The following NPL variants were observed in gnomAD, a reference collection of about 807,000 sequenced individuals.
NPL encodes the protein N-acetylneuraminate lyase.
In NPL, 32 loss-of-function variants were observed where a neutral mutation model predicts 41.1. The ratio of observed to expected loss-of-function variants is 0.78; its 90% CI spans 0.59 to 1.05. The LOEUF is 1.05. Among genes scored for constraint, NPL ranks in the 50% least tolerant of loss-of-function variants. The pLI, the probability that NPL is intolerant of heterozygous loss-of-function variation, is 0.00. For synonymous variants in NPL, 128 were observed against 134.9 expected, an observed-to-expected ratio of 0.95 and a Z score of 0.35; for missense variants, 321 against 378.4, an observed-to-expected ratio of 0.85 and a Z score of 1.26.
Position 182,828,839 on chromosome 1 carries a change from T to C in NPL, c.894T>C (p.Ala298=). The change falls in exon 13 of 13, where the codon GCT becomes GCC. Residue 298 remains alanine, a synonymous_variant. Coordinates refer to ENST00000367553, the MANE Select transcript of NPL (RefSeq NM_030769.3). The surrounding 1 kb of genome is among the most constrained non-coding windows in gnomAD (Gnocchi z 4.0). Reference sequence around the variant, plus strand: ...GGGAGTTTACTGATAGTGCTGAAGCTAAACTGAAGAGCCTGGATTTCCTTT... The same window carrying C: ...GGGAGTTTACTGATAGTGCTGAAGCCAAACTGAAGAGCCTGGATTTCCTTT... ...ASREFTDSAE[A]KLKSLDFLSF... is the part of the protein sequence containing the mutation. 6.2e-7 allele frequency: 1 copy of C among 1,614,228 alleles called. No homozygotes were observed. The highest frequency in any genetic ancestry group is 8.5e-7 in the Non-Finnish European group (1 of 1,180,038).
At position 182,796,186 on chromosome 1, in the gene NPL, AG is replaced by A. The variant is rs1288348872; in HGVS notation, c.68+1748del. The stretch of plus-strand genomic sequence containing the variant: ...GAAATCAAAAAAAAAAAAAAAAAAA[AG>A]AATGCATTATGTGTAGGCTCTTTAA... On this transcript the variant is annotated intron_variant, in intron 3 of 12. Coordinates refer to ENST00000367553, the MANE Select transcript of NPL (RefSeq NM_030769.3). 7.9e-3 allele frequency among the ~76,000 whole-genome samples: 1,184 copies of A among 150,020 alleles called. 6 individuals carry two copies. Among genetic ancestry groups the A allele is most frequent in the South Asian group, 0.023 (107 of 4,712 alleles).
chr1:182,803,931 A>G (rs376734410), intron 4 of NPL, among the ~76,000 whole-genome samples, 160 bp downstream of exon 4: 14 of 152,294 alleles, frequency 9.2e-5, no homozygotes, highest in Admixed American at 5.2e-4. Flanking sequence ...AGGCCCACCA[A>G]TCTTAGACCT....
chr1:182,802,458 T>C (rs1666875926), intron 3 of NPL, among the ~76,000 whole-genome samples: 1 of 152,006 alleles, frequency 6.6e-6, no homozygotes, highest in Non-Finnish European at 1.5e-5. Context: ...GTTTCCTAGA[T>C]GCATCAGATT....
intron 10 of NPL, 27 bp downstream of exon 10, chr1:182,818,886 G>A: frequency 6.2e-7 from 1 of 1,606,804 alleles, no homozygotes; most frequent in Non-Finnish European, 8.5e-7. Context: ...TTTCCCAGTG[G>A]TTATAAAGTC....
At chr1:182,811,093 T>C (rs959563033) in intron 5 of NPL, among the ~76,000 whole-genome samples, 2 of 152,178 alleles carry the variant, frequency 1.3e-5, no homozygotes, top group Admixed American at 6.6e-5. Flanking sequence ...GTGCCAGATA[T>C]ATGCAAAGCA....
chr1:182,800,078 C>A (rs920968559), intron 3 of NPL, among the ~76,000 whole-genome samples: 1 of 152,080 alleles, frequency 6.6e-6, no homozygotes, highest in Non-Finnish European at 1.5e-5. Context: ...GGTAACCGAT[C>A]ATGGTTAATG....
At chr1:182,816,834 T>G in intron 8 of NPL, 28 bp downstream of exon 8, 1 of 1,537,790 alleles carries the variant, frequency 6.5e-7, no homozygotes, top group Non-Finnish European at 9.0e-7. Flanking sequence ...TGATCTTTCT[T>G]TCCTTCCAAC....
intron 3 of NPL, among the ~76,000 whole-genome samples, chr1:182,801,952 T>G (rs536133292): frequency 1.3e-5 from 2 of 152,352 alleles, no homozygotes; most frequent in East Asian, 3.9e-4. Flanking sequence ...TGAGCCCCCA[T>G]ACAATTACTT....
Position 182,822,192 on chromosome 1 carries a change from A to G in NPL, c.731A>G (p.Asn244Ser), listed in dbSNP as rs1457020349. Residue 244 changes from asparagine (N) to serine (S), a missense_variant, in exon 11 of 13, where the codon AAC becomes AGC. Asn to Ser is a conservative substitution (Grantham distance 46). Transcript: ENST00000367553. ...CAAAAGGACTTCTCTTTAGCCCTGAACTATCAGGTAAACGTTTTCTTCTCT... is the reference window on the plus strand; with the variant it reads ...CAAAAGGACTTCTCTTTAGCCCTGAGCTATCAGGTAAACGTTTTCTTCTCT... ...FEQKDFSLAL[N>S]YQFCIQRFIN... 7 of 1,606,770 alleles carry G rather than the reference A, an allele frequency of 4.4e-6. No homozygotes were observed. The South Asian group carries it at 7.7e-5, about 18-fold the overall frequency.
chr1:182,813,863 C>T (rs904990365), intron 6 of NPL, among the ~76,000 whole-genome samples: 5 of 152,286 alleles, frequency 3.3e-5, no homozygotes, highest in Admixed American at 3.3e-4. Flanking sequence ...GAGTAGTAAG[C>T]AAATGATTTA....
chr1:182,790,721 G>A (rs1034733328), intron 1 of NPL, among the ~76,000 whole-genome samples: 2 of 152,118 alleles, frequency 1.3e-5, no homozygotes, highest in Non-Finnish European at 2.9e-5. Context: ...TCGGCTCACT[G>A]CAAGCTCCAC....
At chr1:182,821,708 A>G (rs1471014551) in intron 10 of NPL, among the ~76,000 whole-genome samples, 1 of 152,068 alleles carries the variant, frequency 6.6e-6, no homozygotes, top group Non-Finnish European at 1.5e-5. Flanking sequence ...ATTTGCCCCT[A>G]TTTTCATGGT....
In NPL at chr1:182,829,535, G is replaced by A; in HGVS notation, c.*627G>A. 6.6e-7 allele frequency: 1 copy of A among 1,516,492 alleles called. No individual in the cohort carries two copies. The highest frequency in any genetic ancestry group is 8.9e-7 in the Non-Finnish European group (1 of 1,120,098). The allele number at this position is 1,516,492 out of a possible 1,614,324, so 93.9% of individuals were successfully genotyped here. On this transcript the variant is annotated 3_prime_UTR_variant, in exon 13 of 13. Coordinates refer to ENST00000367553, the MANE Select transcript of NPL (RefSeq NM_030769.3). The stretch of plus-strand genomic sequence containing the variant: ...AGTTCCTATAACTAAGTAAAGGGCG[G>A]CTTTCTCATAACAAAGGAAAAAGTC...
At chr1:182,800,574 G>A (rs1440278328) in intron 3 of NPL, among the ~76,000 whole-genome samples, 1 of 151,832 alleles carries the variant, frequency 6.6e-6, no homozygotes, top group Non-Finnish European at 1.5e-5. Context: ...GCCTGGAGCT[G>A]CTGAGCATCC....
At position 182,822,162 on chromosome 1, in the gene NPL, T is replaced by A; in HGVS notation, c.701T>A (p.Phe234Tyr). Reference protein sequence around the residue: ...GKKTNQMLEAFEQKDFSLALN... With the variant: ...GKKTNQMLEAYEQKDFSLALN... ...AAGACAAACCAGATGTTGGAGGCTT[T>A]TGAACAAAAGGACTTCTCTTTAGCC... The change falls in exon 11 of 13, where the codon TTT (phenylalanine) becomes TAT (tyrosine). Residue 234 changes from phenylalanine to tyrosine, a missense_variant. Transcript: ENST00000367553. 1 of 1,613,838 alleles carries A rather than the reference T, an allele frequency of 6.2e-7. No individual in the cohort carries two copies. Among genetic ancestry groups the A allele is most frequent in the Non-Finnish European group, 8.5e-7 (1 of 1,179,684 alleles).
chr1:182,790,375 C>A (rs1033470227), intron 1 of NPL, among the ~76,000 whole-genome samples: 1 of 152,150 alleles, frequency 6.6e-6, no homozygotes, highest in Non-Finnish European at 1.5e-5. Context: ...AAGAGTAATA[C>A]CCCCTCCCAA....
rs147148322 is a variant in NPL at position 182,793,978 on chromosome 1, C to T, written c.-16-378C>T. Among the ~76,000 whole-genome samples, 17 of 152,230 alleles carry T rather than the reference C, an allele frequency of 1.1e-4. No homozygotes were observed. The East Asian group carries it at 3.3e-3, about 29-fold the overall frequency. On this transcript the variant is annotated intron_variant, in intron 2 of 12. Coordinates refer to ENST00000367553, the MANE Select transcript of NPL (RefSeq NM_030769.3). Reference sequence around the variant, plus strand: ...ATGGATTTTGGTATACACGAAGGTCCTGGAACTGATCTTCTGTGTATACTG... The same window carrying T: ...ATGGATTTTGGTATACACGAAGGTCTTGGAACTGATCTTCTGTGTATACTG...
chr1:182,789,965 T>C (rs1666450785), intron 1 of NPL, among the ~76,000 whole-genome samples, 160 bp downstream of exon 1: 1 of 152,086 alleles, frequency 6.6e-6, no homozygotes, highest in Admixed American at 6.5e-5. Flanking sequence ...GGGAAACGGA[T>C]CTGGGGAAGG....
intron 6 of NPL, among the ~76,000 whole-genome samples, chr1:182,812,818 A>G (rs1186138686): frequency 6.6e-6 from 1 of 151,994 alleles, no homozygotes; most frequent in African/African-American, 2.4e-5. Context: ...AGCAGAGGCA[A>G]GAGAGGAAGG....
Sources: allele counts gnomAD v4.1 joint callset (sites outside exome capture counted in the v4.1 genomes callset), GRCh38; gene constraint gnomAD v4.1.1; non-coding constraint Gnocchi (gnomAD v3.1); transcripts MANE v1.5; gene names NCBI Gene and HGNC (gene_info 2026-07-23, HGNC 2026-07-21).